MYH14: variants seen among roughly 807,000 people sequenced by gnomAD.
MYH14 encodes myosin heavy chain 14, also known as myosin-14.
Under a neutral mutation model 255.5 loss-of-function variants are expected in MYH14, and 123 were observed. The ratio of observed to expected loss-of-function variants is 0.48; its 90% CI spans 0.42 to 0.56. MYH14 has a LOEUF of 0.56. MYH14 is among the 20% of genes least tolerant of loss of function. The pLI, the probability that MYH14 is intolerant of heterozygous loss-of-function variation, is 0.00. For missense variants in MYH14, 2,423 were observed against 2,802.3 expected, an observed-to-expected ratio of 0.86 and a Z score of 3.06; for synonymous variants, 1,095 against 1,161.2, an observed-to-expected ratio of 0.94 and a Z score of 1.16.
rs373162162 is a variant in MYH14 at position 50,299,386 on chromosome 19, A to G, written c.5470-2275A>G. On this transcript the variant is annotated intron_variant, in intron 39 of 42. Transcript: ENST00000642316. ...GGAGTTTGAGACCAGCCTGCCCAAC[A>G]TGGAGAAATCCCATCTCTACAAAAA... Among the ~76,000 whole-genome samples the G allele has an allele frequency of 5.4e-4, 82 of 151,984 alleles. No individual in the cohort carries two copies. In the South Asian group the frequency reaches 9.4e-3, roughly 17 times the overall value.
At chr19:50,273,603 T>G (rs1274990737) in intron 27 of MYH14, among the ~76,000 whole-genome samples, 20 of 95,230 alleles carry the variant, frequency 2.1e-4, no homozygotes, top group Non-Finnish European at 4.6e-4. Flanking sequence ...ACATGGGGGG[T>G]GTGTGTGTGT....
chr19:50,247,823 T>C (rs760994776), intron 12 of MYH14, among the ~76,000 whole-genome samples: 3 of 151,944 alleles, frequency 2.0e-5, no homozygotes, highest in East Asian at 1.9e-4. Flanking sequence ...CCCAGCTCTT[T>C]GGGAGGCTGA....
intron 26 of MYH14, among the ~76,000 whole-genome samples, 181 bp from the exon 27 acceptor site, chr19:50,272,379 C>T (rs536694493): frequency 2.0e-5 from 3 of 151,970 alleles, no homozygotes; most frequent in African/African-American, 4.8e-5. Context: ...GAGGACAGTG[C>T]GTCTAGGACA....
chr19:50,300,402 T>C (rs1224788430), intron 39 of MYH14, among the ~76,000 whole-genome samples: 1 of 152,124 alleles, frequency 6.6e-6, no homozygotes, highest in Non-Finnish European at 1.5e-5. Context: ...TTATTACTGA[T>C]TTTTTTTATT....
chr19:50,243,939 T>C (rs1363764084), intron 10 of MYH14, among the ~76,000 whole-genome samples: 1 of 151,990 alleles, frequency 6.6e-6, no homozygotes, highest in Non-Finnish European at 1.5e-5. Flanking sequence ...ACCGATCTGT[T>C]CACATATTTC....
At position 50,276,812 on chromosome 19, in the gene MYH14, C is replaced by G; in HGVS notation, c.3736C>G (p.Arg1246Gly). ...ELKKTLEEET[R>G]IHEAAVQELR... is the part of the protein sequence containing the mutation. ...GAAGAAGACTCTGGAGGAGGAGACT[C>G]GCATCCACGAGGCGGCAGTGCAGGA... Residue 1246 changes from arginine to glycine, a missense_variant, in exon 29 of 43, where the codon CGC (arginine) becomes GGC (glycine). Transcript: ENST00000642316. The surrounding 1 kb of genome is among the most constrained non-coding windows in gnomAD (Gnocchi z 4.3). 1 of 1,613,232 alleles carries G rather than the reference C, an allele frequency of 6.2e-7. No homozygotes were observed. Among genetic ancestry groups the G allele is most frequent in the Non-Finnish European group, 8.5e-7 (1 of 1,179,856 alleles).
At chr19:50,277,939 A>C in intron 29 of MYH14, 144 bp from the exon 30 acceptor site, 1 of 498,016 alleles carries the variant, frequency 2.0e-6, no homozygotes, top group Non-Finnish European at 3.2e-6. Context: ...AAAAATTGGG[A>C]GTGAGGGGTG....
chr19:50,277,206 A>G (rs942079824), intron 29 of MYH14, among the ~76,000 whole-genome samples: 8 of 152,124 alleles, frequency 5.3e-5, no homozygotes, highest in African/African-American at 1.9e-4. Flanking sequence ...TTGGGGTGAT[A>G]AGTGCTATGG....
intron 34 of MYH14, among the ~76,000 whole-genome samples, chr19:50,288,556 T>C (rs1442831447): frequency 6.6e-6 from 1 of 152,158 alleles, no homozygotes; most frequent in Non-Finnish European, 1.5e-5. Flanking sequence ...AATTGGCAAG[T>C]ACCAAATAGG....
chr19:50,257,228 T>G, intron 17 of MYH14, 71 bp from the exon 18 acceptor site: 1 of 1,314,746 alleles, frequency 7.6e-7, no homozygotes, highest in South Asian at 1.4e-5. Flanking sequence ...ATAAGACCCT[T>G]GACCTTTGGC....
intron 24 of MYH14, among the ~76,000 whole-genome samples, chr19:50,270,629 T>C (rs1195653295): frequency 1.3e-5 from 2 of 151,884 alleles, no homozygotes; most frequent in Admixed American, 6.6e-5. Flanking sequence ...ACTGTCATGT[T>C]GGCAGTACCC....
intron 33 of MYH14, among the ~76,000 whole-genome samples, chr19:50,282,081 C>G (rs1253831100): frequency 6.6e-6 from 1 of 152,150 alleles, no homozygotes; most frequent in Non-Finnish European, 1.5e-5. Flanking sequence ...TCAGAGCTGC[C>G]CTGGTTTTTG....
Position 50,221,562 on chromosome 19 carries a change from C to T in MYH14, c.563-1521C>T, listed in dbSNP as rs565932636. On this transcript the variant is annotated intron_variant, in intron 3 of 42. Transcript: ENST00000642316. The surrounding 1 kb of genome is among the most constrained non-coding windows in gnomAD (Gnocchi z 5.3). The stretch of plus-strand genomic sequence containing the variant: ...CACGATCTTGGCTCACTGCAACCTC[C>T]GCCTCCCGGGTTCAAGTGATTCTTC... 9.9e-5 allele frequency among the ~76,000 whole-genome samples: 15 copies of T among 152,248 alleles called. No homozygotes were observed. In the East Asian group the frequency reaches 2.1e-3, roughly 22 times the overall value.
At chr19:50,247,844 T>C (rs2034192389) in intron 12 of MYH14, among the ~76,000 whole-genome samples, 1 of 151,662 alleles carries the variant, frequency 6.6e-6, no homozygotes, top group Non-Finnish European at 1.5e-5. Flanking sequence ...GGCGGACAGA[T>C]TGAGCTCAGG....
At chr19:50,236,223 T>C (rs627236) in intron 10 of MYH14, among the ~76,000 whole-genome samples, 131,449 of 151,840 alleles carry the variant, frequency 0.87, 57,163 homozygotes, top group South Asian at 0.95. Context: ...CTCCCAGCTA[T>C]TTGGGGGGCT....
chr19:50,260,092 T>C (rs2034765955), intron 19 of MYH14, among the ~76,000 whole-genome samples: 1 of 152,174 alleles, frequency 6.6e-6, no homozygotes, highest in Non-Finnish European at 1.5e-5. Flanking sequence ...ATGAAATTAA[T>C]TTTAACAAGA....
At chr19:50,271,151 G>T (rs888168580) in intron 24 of MYH14, among the ~76,000 whole-genome samples, 2 of 152,176 alleles carry the variant, frequency 1.3e-5, no homozygotes, top group Admixed American at 6.5e-5. Context: ...ACTGCAGAAG[G>T]ACAGTCACTT....
Position 50,276,664 on chromosome 19 carries a change from G to A in MYH14, c.3681-93G>A. 1 of 1,529,500 alleles carries A rather than the reference G, an allele frequency of 6.5e-7. No homozygotes were observed. 94.7% of individuals were successfully genotyped at this position (1,529,500 alleles called of 1,614,324 possible). On this transcript the variant is annotated intron_variant, in intron 28 of 42. Transcript: ENST00000642316. The surrounding 1 kb of genome is among the most constrained non-coding windows in gnomAD (Gnocchi z 4.3). ...ATAACATGAGGCCCTCATATTTTAA[G>A]GAAACATGAAAAGGAGAAACAACCA...
At position 50,290,962 on chromosome 19, in the gene MYH14, G is replaced by A. The variant is rs556548077; in HGVS notation, c.5041G>A (p.Glu1681Lys). 6.9e-5 allele frequency: 110 copies of A among 1,605,590 alleles called. 1 individual carries two copies. In the South Asian group the frequency reaches 1.2e-3, roughly 17 times the overall value. ...GGCCGTGGCTGCCCGCAAGAAGCTG[G>A]AGGGAGAGCTGGAGGAGCTGAAGGC... Reference protein sequence around the residue: ...TLAVAARKKLEGELEELKAQM... With the variant: ...TLAVAARKKLKGELEELKAQM... Residue 1681 changes from glutamate (E) to lysine (K), a missense_variant, in exon 36 of 43, where the codon GAG becomes AAG. Transcript: ENST00000642316.
Sources: gnomAD v4.1 joint callset for allele counts (sites outside exome capture counted in the v4.1 genomes callset) on GRCh38, gnomAD v4.1.1 for gene constraint, Gnocchi (gnomAD v3.1) non-coding constraint, MANE v1.5 for transcripts, NCBI Gene and HGNC (gene_info 2026-07-23, HGNC 2026-07-21) for gene names.